Variants in TRPM8 observed in about 807,000 individuals in gnomAD.
TRPM8 encodes the protein transient receptor potential cation channel subfamily M member 8, also known as TRPM8 cationic channel.
In TRPM8, 110 loss-of-function variants were observed where a neutral mutation model predicts 133.7. The ratio of observed to expected loss-of-function variants is 0.82; its 90% CI spans 0.70 to 0.96. TRPM8 has a LOEUF of 0.96. TRPM8 is among the 40% of genes least tolerant of loss of function. The pLI is 0.00. For missense variants in TRPM8, 1,291 were observed against 1,379.5 expected (o/e 0.94, Z 1.02); for synonymous variants, 535 against 532.3 (o/e 1.01, Z -0.07).
intron 11 of TRPM8, among the ~76,000 whole-genome samples, chr2:233,959,281 CT>C (rs1691371312): frequency 6.6e-6 from 1 of 151,714 alleles, no homozygotes; most frequent in African/African-American, 2.4e-5. Flanking sequence ...CCGCTTCAGC[CT>C]CCCAAAGTGC....
At chr2:233,952,383 G>T (rs926790705) in intron 9 of TRPM8, among the ~76,000 whole-genome samples, 1 of 152,136 alleles carries the variant, frequency 6.6e-6, no homozygotes, top group Non-Finnish European at 1.5e-5. Flanking sequence ...CTGGCCTGGT[G>T]TGGGGCTTTC....
intron 1 of TRPM8, among the ~76,000 whole-genome samples, chr2:233,919,041 C>A (rs1350984996): frequency 6.6e-6 from 1 of 151,024 alleles, no homozygotes; most frequent in Non-Finnish European, 1.5e-5. Flanking sequence ...CTCCCCCCAC[C>A]CCATTTTTTT....
At chr2:233,944,016 A>G (rs1690981471) in intron 6 of TRPM8, among the ~76,000 whole-genome samples, 1 of 150,888 alleles carries the variant, frequency 6.6e-6, no homozygotes, top group Non-Finnish European at 1.5e-5. Flanking sequence ...GTAGAGGGGG[A>G]GGAGGAGGCG....
chr2:233,979,329 C>T (rs1252360212), intron 17 of TRPM8, among the ~76,000 whole-genome samples: 1 of 152,104 alleles, frequency 6.6e-6, no homozygotes, highest in Non-Finnish European at 1.5e-5. Context: ...ACAGTAGATT[C>T]CTTGAGAATT....
chr2:233,961,189 T>A, intron 12 of TRPM8, 123 bp downstream of exon 12: 1 of 946,378 alleles, frequency 1.1e-6, no homozygotes, highest in Non-Finnish European at 1.5e-6. Context: ...CTGACAATGT[T>A]AATTTTTTTA....
chr2:234,013,010 C>A (rs898698259), intron 24 of TRPM8, among the ~76,000 whole-genome samples: 1 of 152,092 alleles, frequency 6.6e-6, no homozygotes. Context: ...TTAATATGCT[C>A]TGAAATTCAG....
chr2:234,017,395 C>G lies in TRPM8; in HGVS notation c.*139C>G, dbSNP rs180864307. On this transcript the variant is annotated 3_prime_UTR_variant, in exon 26 of 26. Coordinates refer to ENST00000324695, the MANE Select transcript of TRPM8 (RefSeq NM_024080.5). ...ACATGGTGGATGATTTTAAATCACC[C>G]TAGTGTGCTGAGACCTTGAGAATAA... 2.1e-6 allele frequency: 1 copy of G among 470,664 alleles called. No homozygotes were observed. Among genetic ancestry groups the G allele is most frequent in the Non-Finnish European group, 4.4e-6 (1 of 226,984 alleles). The allele number at this position is 470,664 out of a possible 1,614,324, so 29.2% of individuals were successfully genotyped here. A position where few individuals can be genotyped will look rare whatever the true frequency, so the allele number is the denominator to read the frequency against.
chr2:233,937,617 A>C (rs1649559555), intron 4 of TRPM8, 108 bp downstream of exon 4: 1 of 1,259,990 alleles, frequency 7.9e-7, no homozygotes, highest in African/African-American at 1.5e-5. Context: ...AGAGATGGGT[A>C]GTAAACACCA....
intron 12 of TRPM8, 70 bp from the exon 13 acceptor site, chr2:233,963,212 T>C (rs950513453): frequency 6.0e-6 from 6 of 994,040 alleles, no homozygotes; most frequent in African/African-American, 3.2e-5. Flanking sequence ...CATGGGCTAC[T>C]CTCCTAGGGC....
chr2:234,013,420 T>G (rs767566528), intron 24 of TRPM8: 1 of 152,254 alleles, frequency 6.6e-6, no homozygotes, highest in African/African-American at 2.4e-5. Context: ...CTTGTTTGCA[T>G]ATAATTGTTC....
intron 11 of TRPM8, among the ~76,000 whole-genome samples, chr2:233,957,180 A>G (rs1218355059): frequency 1.3e-5 from 2 of 152,206 alleles, no homozygotes; most frequent in Non-Finnish European, 1.5e-5. Context: ...TGTTAAATAC[A>G]GTCATTATTA....
In TRPM8 at chr2:233,945,965, A is replaced by T; in HGVS notation, c.809A>T (p.His270Leu). 3 of 1,614,196 alleles carry T rather than the reference A, an allele frequency of 1.9e-6. No individual in the cohort carries two copies. The highest frequency in any genetic ancestry group is 1.7e-6 in the Non-Finnish European group (2 of 1,180,010). ...CTCGTGGACAATGGCTGTCATGGAC[A>T]TCCCACTGTCGAAGCAAAGCTCCGG... ...LLLVDNGCHG[H>L]PTVEAKLRNQ... The change falls in exon 7 of 26, where the codon CAT becomes CTT. Residue 270 changes from histidine to leucine, a missense_variant. Transcript: ENST00000324695.
At chr2:233,926,284 A>T (rs1204536081) in intron 1 of TRPM8, among the ~76,000 whole-genome samples, 1 of 152,062 alleles carries the variant, frequency 6.6e-6, no homozygotes, top group Non-Finnish European at 1.5e-5. Flanking sequence ...GGTGCCCAGG[A>T]GGGGATCCTG....
chr2:233,943,621 C>T (rs1481069779), intron 6 of TRPM8, among the ~76,000 whole-genome samples: 2 of 152,146 alleles, frequency 1.3e-5, no homozygotes, highest in Non-Finnish European at 2.9e-5. Flanking sequence ...GAGACAACCA[C>T]CCCCCGCCCC....
At chr2:233,991,020 G>A (rs1692262556) in intron 21 of TRPM8, among the ~76,000 whole-genome samples, 1 of 152,114 alleles carries the variant, frequency 6.6e-6, no homozygotes, top group Admixed American at 6.5e-5. Flanking sequence ...AGGATCTGCA[G>A]CAGCAGCTAG....
Position 233,966,635 on chromosome 2 carries a change from C to T in TRPM8, c.1905C>T (p.Ser635=), listed in dbSNP as rs543149139. 1.8e-5 allele frequency: 29 copies of T among 1,614,038 alleles called. No individual in the cohort carries two copies. The highest frequency in any genetic ancestry group is 5.5e-5 in the South Asian group (5 of 91,072). Residue 635 remains serine (S), a synonymous_variant, in exon 15 of 26, where the codon AGC becomes AGT. Transcript: ENST00000324695. ...AVELFTECYS[S]DEDLAEQLLV... is the part of the protein sequence containing the mutation. ...AGCTGTTCACTGAGTGTTACAGCAGCGATGAAGACTTGGCAGAACAGCTGC... is the reference window on the plus strand; with the variant it reads ...AGCTGTTCACTGAGTGTTACAGCAGTGATGAAGACTTGGCAGAACAGCTGC...
chr2:234,005,785 C>T (rs1692677505), intron 22 of TRPM8, among the ~76,000 whole-genome samples: 1 of 152,036 alleles, frequency 6.6e-6, no homozygotes, highest in Non-Finnish European at 1.5e-5. Context: ...GTGGTATGCG[C>T]TTGTAGTCCC....
intron 8 of TRPM8, among the ~76,000 whole-genome samples, chr2:233,949,049 G>GA (rs1221571824): frequency 3.3e-5 from 5 of 152,006 alleles, no homozygotes; most frequent in African/African-American, 1.2e-4. Flanking sequence ...AACAAAGAAA[G>GA]AAAAAGAAAA....
intron 10 of TRPM8, 27 bp from the exon 11 acceptor site, chr2:233,955,105 G>A (rs1283128594): frequency 2.6e-6 from 4 of 1,560,862 alleles, no homozygotes; most frequent in African/African-American, 2.7e-5. Flanking sequence ...CCTTTGGTGA[G>A]TTGAGTCTTT....
Sources: allele counts gnomAD v4.1 joint callset (sites outside exome capture counted in the v4.1 genomes callset), GRCh38; gene constraint gnomAD v4.1.1; transcripts MANE v1.5; gene names NCBI Gene and HGNC (gene_info 2026-07-23, HGNC 2026-07-21).